Variants in ARRDC4 observed in about 807,000 individuals in gnomAD.
ARRDC4 encodes arrestin domain-containing protein 4.
A neutral mutation model predicts 44.6 loss-of-function variants in ARRDC4; 40 were observed. That is an observed-to-expected ratio of 0.90 (90% CI 0.70 to 1.17). ARRDC4 has a LOEUF of 1.17. Ranked by LOEUF, ARRDC4 falls within the 50% of genes most tolerant of loss-of-function variation. The pLI is 0.00. For synonymous variants in ARRDC4, 211 were observed against 221.2 expected (o/e 0.95, Z 0.41); for missense variants, 550 against 559.1 (o/e 0.98, Z 0.16).
chr15:97,971,562 T>C lies in ARRDC4; in HGVS notation c.*375T>C, dbSNP rs1409360316. ...GGTGAAGAGTGGAACGAAGGCGATA[T>C]GAACTGAAGGGGTGAAGACTTGATT... On this transcript the variant is annotated 3_prime_UTR_variant, in exon 8 of 8. Transcript: ENST00000268042. 1.6e-5 allele frequency: 4 copies of C among 244,846 alleles called. No individual in the cohort carries two copies. Among genetic ancestry groups the C allele is most frequent in the South Asian group, 5.4e-5 (1 of 18,444 alleles). 15.2% of individuals were successfully genotyped at this position (244,846 alleles called of 1,614,324 possible).
chr15:97,971,153 T>G lies in ARRDC4; in HGVS notation c.1223T>G (p.Val408Gly), dbSNP rs201732761. The G allele has an allele frequency of 7.1e-5, 114 of 1,613,324 alleles. No individual in the cohort carries two copies. The highest frequency in any genetic ancestry group is 9.2e-5 in the Non-Finnish European group (109 of 1,179,438). The change falls in exon 8 of 8, where the codon GTA becomes GGA. Residue 408 changes from valine (V) to glycine (G), a missense_variant. By Grantham distance (109) the Val-to-Gly change is moderately radical. Coordinates refer to ENST00000268042, the MANE Select transcript of ARRDC4 (RefSeq NM_183376.3). ...CAGGTTGACCCACATCCTAGCGACG[T>G]AGAAGAGAGCCAGCCTGTTTCCTTC... ...YSEVDPHPSD[V>G]EESQPVSFIL
In ARRDC4 at chr15:97,966,714, C is replaced by G. The variant is rs1239493205; in HGVS notation, c.522+672C>G. Among the ~76,000 whole-genome samples the G allele has an allele frequency of 1.3e-5, 2 of 152,202 alleles. No individual in the cohort carries two copies. The highest frequency in any genetic ancestry group is 4.8e-5 in the African/African-American group (2 of 41,450). ...GAGCTAATGAGCTAGATTCTTTTAT[C>G]TAAACCCATATTATCAAAATAATAT... is the stretch of plus-strand genomic sequence containing the variant. On this transcript the variant is annotated intron_variant, in intron 3 of 7. Transcript: ENST00000268042. This position sits in a 1 kb window ranked among gnomAD's most constrained non-coding sequence, Gnocchi z 4.7.
Position 97,971,244 on chromosome 15 carries a change from T to C in ARRDC4, c.*57T>C, listed in dbSNP as rs747605224. 9.1e-6 allele frequency: 14 copies of C among 1,537,978 alleles called. No individual in the cohort carries two copies. Among genetic ancestry groups the C allele is most frequent in the East Asian group, 4.5e-5 (2 of 44,506 alleles). On this transcript the variant is annotated 3_prime_UTR_variant, in exon 8 of 8. Coordinates refer to ENST00000268042, the MANE Select transcript of ARRDC4 (RefSeq NM_183376.3). ...AAATTAGAATGTTGGTTCTTTTCCT[T>C]CTGCCTTTTTGGGAAAGAGACAGGA...
In ARRDC4 at chr15:97,963,739, C is replaced by T. The variant is rs532330479; in HGVS notation, c.308-1861C>T. On this transcript the variant is annotated intron_variant, in intron 1 of 7. Coordinates refer to ENST00000268042, the MANE Select transcript of ARRDC4 (RefSeq NM_183376.3). ...CCCCGGTCTCTTTGAGGATTATCTG[C>T]GGTGCCTGAAATCTAAGCACTACAC... 3.0e-4 allele frequency among the ~76,000 whole-genome samples: 45 copies of T among 152,328 alleles called. 1 individual carries two copies. The highest frequency in any genetic ancestry group is 1.6e-3 in the Admixed American group (24 of 15,300).
Position 97,966,091 on chromosome 15 carries a change from T to G in ARRDC4, c.522+49T>G. 2.5e-6 allele frequency: 4 copies of G among 1,586,370 alleles called. No homozygotes were observed. The highest frequency in any genetic ancestry group is 3.4e-6 in the Non-Finnish European group (4 of 1,161,116). On this transcript the variant is annotated intron_variant, in intron 3 of 7. Coordinates refer to ENST00000268042, the MANE Select transcript of ARRDC4 (RefSeq NM_183376.3). The surrounding 1 kb of genome is among the most constrained non-coding windows in gnomAD (Gnocchi z 4.7). Reference sequence around the variant, plus strand: ...CTCCTCCTTTTCCTCCTTCCCTCCCTTCCTCCTTCCTTTCAACAGTGGGAT... The same window carrying G: ...CTCCTCCTTTTCCTCCTTCCCTCCCGTCCTCCTTCCTTTCAACAGTGGGAT...
Position 97,972,137 on chromosome 15 carries a change from G to T in ARRDC4, c.*950G>T, listed in dbSNP as rs1322990514. 1 of 152,542 alleles carries T rather than the reference G, an allele frequency of 6.6e-6. No homozygotes were observed. The highest frequency in any genetic ancestry group is 1.5e-5 in the Non-Finnish European group (1 of 68,010). The allele number at this position is 152,542 out of a possible 1,614,324, so 9.4% of individuals were successfully genotyped here. ...CTCGCCCTGAGTACTCTTCTTGGGA[G>T]TTGCTGCTGTTTACAGCCACAGTCT... On this transcript the variant is annotated 3_prime_UTR_variant, in exon 8 of 8. Transcript: ENST00000268042. The surrounding 1 kb of genome is among the most constrained non-coding windows in gnomAD (Gnocchi z 5.3).
Position 97,960,847 on chromosome 15 carries a change from GA to G in ARRDC4, c.-14del. On this transcript the variant is annotated 5_prime_UTR_variant, in exon 1 of 8. Transcript: ENST00000268042. ...CTCTGCCGACCTCAGGGGCAGGAAA[GA>G]GTCGCCCGGCGGGATGGGCGGGGAG... 7.5e-7 allele frequency: 1 copy of G among 1,334,900 alleles called. No homozygotes were observed. The highest frequency in any genetic ancestry group is 9.6e-7 in the Non-Finnish European group (1 of 1,038,782). 82.7% of individuals were successfully genotyped at this position (1,334,900 alleles called of 1,614,324 possible).
intron 1 of ARRDC4, among the ~76,000 whole-genome samples, chr15:97,961,435 G>C (rs62023727): frequency 0.22 from 33,221 of 152,198 alleles, 4,565 homozygotes; most frequent in Non-Finnish European, 0.31. Flanking sequence ...GGGCCATTGG[G>C]TGCGGTGGGA....
rs561922357 is a variant in ARRDC4, at chr15:97,965,019, T to A, written c.308-581T>A. On this transcript the variant is annotated intron_variant, in intron 1 of 7. Coordinates refer to ENST00000268042, the MANE Select transcript of ARRDC4 (RefSeq NM_183376.3). The surrounding 1 kb of genome is among the most constrained non-coding windows in gnomAD (Gnocchi z 5.1). Reference sequence around the variant, plus strand: ...ACATACACACACACACACACACACATATACATATCCATATACACATATATA... The same window carrying A: ...ACATACACACACACACACACACACAAATACATATCCATATACACATATATA... Among the ~76,000 whole-genome samples the A allele has an allele frequency of 6.8e-6, 1 of 146,764 alleles. No homozygotes were observed. The highest frequency in any genetic ancestry group is 1.5e-5 in the Non-Finnish European group (1 of 67,202).
At position 97,960,913 on chromosome 15, in the gene ARRDC4, A is replaced by C. The variant is rs948355128; in HGVS notation, c.52A>C (p.Lys18Gln). The C allele has an allele frequency of 1.4e-6, 2 of 1,436,084 alleles. No homozygotes were observed. The highest frequency in any genetic ancestry group is 1.8e-6 in the Non-Finnish European group (2 of 1,088,238). The allele number at this position is 1,436,084 out of a possible 1,614,324, so 89.0% of individuals were successfully genotyped here. ...AAAVGAEGRV[K>Q]SLGLVFEDER... ...GGCCGTGGGTGCCGAGGGCCGCGTG[A>C]AGAGCCTGGGTCTGGTGTTCGAGGA... Residue 18 changes from lysine to glutamine, a missense_variant, in exon 1 of 8, where the codon AAG becomes CAG. Coordinates refer to ENST00000268042, the MANE Select transcript of ARRDC4 (RefSeq NM_183376.3).
intron 1 of ARRDC4, among the ~76,000 whole-genome samples, chr15:97,962,902 G>A (rs897488159): frequency 1.3e-5 from 2 of 152,194 alleles, no homozygotes; most frequent in African/African-American, 2.4e-5. Flanking sequence ...TCCATATTAT[G>A]TAGCACTGGG....
chr15:97,961,948 T>C (rs1277030978), intron 1 of ARRDC4, among the ~76,000 whole-genome samples: 1 of 152,178 alleles, frequency 6.6e-6, no homozygotes, highest in Non-Finnish European at 1.5e-5. Context: ...GAAGTACCCA[T>C]GTGGGGACAC....
chr15:97,964,672 C>G (rs1899384168), intron 1 of ARRDC4, among the ~76,000 whole-genome samples: 1 of 152,094 alleles, frequency 6.6e-6, no homozygotes, highest in Non-Finnish European at 1.5e-5. Context: ...GAGAAAAGGG[C>G]CCTGGCCATG....
In ARRDC4 at chr15:97,973,056, G is replaced by A. The variant is rs1257123265; in HGVS notation, c.*1869G>A. On this transcript the variant is annotated 3_prime_UTR_variant, in exon 8 of 8. Coordinates refer to ENST00000268042, the MANE Select transcript of ARRDC4 (RefSeq NM_183376.3). Reference sequence around the variant, plus strand: ...GTGTGTGTGTCTTTAAACAGGTAATGTGTATTTAAGTGTTGTCTAAACAGT... The same window carrying A: ...GTGTGTGTGTCTTTAAACAGGTAATATGTATTTAAGTGTTGTCTAAACAGT... The A allele has an allele frequency of 6.6e-6, 1 of 152,194 alleles. No individual in the cohort carries two copies. The highest frequency in any genetic ancestry group is 2.4e-5 in the African/African-American group (1 of 41,454). 9.4% of individuals were successfully genotyped at this position (152,194 alleles called of 1,614,324 possible). A position where few individuals can be genotyped will look rare whatever the true frequency, so the allele number is the denominator to read the frequency against.
Position 97,970,073 on chromosome 15 carries a change from C to T in ARRDC4, c.1045+28C>T, listed in dbSNP as rs199684663. 335 of 1,594,584 alleles carry T rather than the reference C, an allele frequency of 2.1e-4. 3 individuals carry two copies. The South Asian group carries it at 2.9e-3, about 14-fold the overall frequency. Reference sequence around the variant, plus strand: ...AAAATATGTTGGCGTTCTTTCATAACGAAGCTTTACCTAGAAAATACCTAG... The same window carrying T: ...AAAATATGTTGGCGTTCTTTCATAATGAAGCTTTACCTAGAAAATACCTAG... On this transcript the variant is annotated intron_variant, in intron 6 of 7. Transcript: ENST00000268042. The surrounding 1 kb of genome is among the most constrained non-coding windows in gnomAD (Gnocchi z 4.2).
At position 97,972,622 on chromosome 15, in the gene ARRDC4, A is replaced by G. The variant is rs1410102230; in HGVS notation, c.*1435A>G. 6.6e-6 allele frequency: 1 copy of G among 152,584 alleles called. No homozygotes were observed. The highest frequency in any genetic ancestry group is 1.9e-4 in the East Asian group (1 of 5,186). The allele number at this position is 152,584 out of a possible 1,614,324, so 9.5% of individuals were successfully genotyped here. A position where few individuals can be genotyped will look rare whatever the true frequency, so the allele number is the denominator to read the frequency against. On this transcript the variant is annotated 3_prime_UTR_variant, in exon 8 of 8. Transcript: ENST00000268042. The surrounding 1 kb of genome is among the most constrained non-coding windows in gnomAD (Gnocchi z 5.3). ...AGGGAGCCAGGGATTCCTGTGATAC[A>G]GATTTTGAACCAGCAGAGTACTTTG...
At position 97,971,382 on chromosome 15, in the gene ARRDC4, C is replaced by T. The variant is rs1051004883; in HGVS notation, c.*195C>T. On this transcript the variant is annotated 3_prime_UTR_variant, in exon 8 of 8. Transcript: ENST00000268042. ...TTGCCGCACAAGTTTATATGATGGT[C>T]GTATATATATCCCTGTTAAAAACTG... 2.6e-5 allele frequency: 15 copies of T among 577,244 alleles called. No homozygotes were observed. The East Asian group carries it at 3.0e-4, about 12-fold the overall frequency. 35.8% of individuals were successfully genotyped at this position (577,244 alleles called of 1,614,324 possible).
intron 7 of ARRDC4, 103 bp from the exon 8 acceptor site, chr15:97,971,028 C>A: frequency 7.7e-7 from 1 of 1,304,820 alleles, no homozygotes; most frequent in Non-Finnish European, 1.1e-6. Context: ...CTTACACAGG[C>A]TCTGACCAGC....
intron 5 of ARRDC4, 82 bp from the exon 6 acceptor site, chr15:97,969,801 A>G (rs1899476658): frequency 1.1e-5 from 15 of 1,310,492 alleles, no homozygotes; most frequent in Non-Finnish European, 1.6e-5. Context: ...TTCTATGAAA[A>G]AAAGAAATTA....
Sources: gnomAD v4.1 joint callset for allele counts (sites outside exome capture counted in the v4.1 genomes callset) on GRCh38, gnomAD v4.1.1 for gene constraint, Gnocchi (gnomAD v3.1) non-coding constraint, MANE v1.5 for transcripts, NCBI Gene and HGNC (gene_info 2026-07-23, HGNC 2026-07-21) for gene names.